SOAT1: variants seen among roughly 807,000 people sequenced by gnomAD.
SOAT1 encodes the protein acyl-coenzyme A:cholesterol acyltransferase 1.
A neutral mutation model predicts 69.5 loss-of-function variants in SOAT1; 55 were observed. The observed-to-expected ratio is 0.79, with a 90% confidence interval of 0.64 to 0.99. SOAT1 has a LOEUF of 0.99. SOAT1 is among the 50% of genes least tolerant of loss of function. SOAT1 has a pLI of 0.00. For missense variants in SOAT1, 580 were observed against 669.3 expected (o/e 0.87, Z 1.47); for synonymous variants, 231 against 224.7 (o/e 1.03, Z -0.25).
intron 4 of SOAT1, 36 bp from the exon 5 acceptor site, chr1:179,337,801 G>A: frequency 6.9e-7 from 1 of 1,458,970 alleles, no homozygotes; most frequent in Non-Finnish European, 9.5e-7. Flanking sequence ...AATACTTGAA[G>A]TACTTATATC....
At chr1:179,313,775 G>T (rs1425809912) in intron 2 of SOAT1, among the ~76,000 whole-genome samples, 2 of 152,164 alleles carry the variant, frequency 1.3e-5, no homozygotes, top group African/African-American at 2.4e-5. Flanking sequence ...GTAGAGACGG[G>T]GTTTCCCCAT....
intron 11 of SOAT1, among the ~76,000 whole-genome samples, chr1:179,346,114 C>T (rs1324058432): frequency 6.6e-6 from 1 of 152,084 alleles, no homozygotes; most frequent in African/African-American, 2.4e-5. Flanking sequence ...TCTTCTCTTG[C>T]ATTCCTCTTC....
At chr1:179,331,284 AG>A (rs1288101322) in intron 3 of SOAT1, among the ~76,000 whole-genome samples, 1 of 152,342 alleles carries the variant, frequency 6.6e-6, no homozygotes, top group East Asian at 1.9e-4. Flanking sequence ...AATGTTTAGC[AG>A]TTCAATTTAA....
intron 2 of SOAT1, among the ~76,000 whole-genome samples, chr1:179,311,943 T>G (rs150290860): frequency 7.2e-4 from 110 of 152,316 alleles, no homozygotes; most frequent in African/African-American, 2.5e-3. Flanking sequence ...GGGTTAGTCT[T>G]GAAAAAGAGA....
chr1:179,340,366 C>T (rs902100503), intron 6 of SOAT1, among the ~76,000 whole-genome samples: 22 of 152,030 alleles, frequency 1.4e-4, no homozygotes, highest in Admixed American at 6.6e-4. Context: ...CTTGTAGTTC[C>T]AGCTACTCAG....
intron 3 of SOAT1, among the ~76,000 whole-genome samples, chr1:179,330,016 G>T (rs1163287466): frequency 1.3e-5 from 2 of 152,158 alleles, no homozygotes; most frequent in Non-Finnish European, 2.9e-5. Context: ...ATTGCCCGTT[G>T]GGTTCTTCTT....
At chr1:179,351,981 G>T (rs2125006547) in intron 15 of SOAT1, among the ~76,000 whole-genome samples, 1 of 151,786 alleles carries the variant, frequency 6.6e-6, no homozygotes, top group East Asian at 1.9e-4. Flanking sequence ...GCCTCCCAGA[G>T]TGCTGGAGCC....
chr1:179,307,970 A>G (rs992337199), intron 2 of SOAT1, among the ~76,000 whole-genome samples: 1 of 151,940 alleles, frequency 6.6e-6, no homozygotes, highest in Non-Finnish European at 1.5e-5. Context: ...TTGTGTTTTT[A>G]GTAGAAACGG....
chr1:179,350,282 T>C lies in SOAT1; in HGVS notation c.1315-14T>C. ...TTTTAAAAATTACTTTGTAGTGTTT[T>C]CCTTTTTCTTTAGTTTTTCTCCAAG... On this transcript the variant is annotated splice_polypyrimidine_tract_variant and intron_variant, in intron 13 of 15. Coordinates refer to ENST00000367619, the MANE Select transcript of SOAT1 (RefSeq NM_003101.6). The C allele has an allele frequency of 6.2e-7, 1 of 1,608,578 alleles. No homozygotes were observed. The highest frequency in any genetic ancestry group is 8.5e-7 in the Non-Finnish European group (1 of 1,178,212).
At chr1:179,302,319 C>CAAG (rs1664857751) in intron 1 of SOAT1, among the ~76,000 whole-genome samples, 1 of 152,180 alleles carries the variant, frequency 6.6e-6, no homozygotes, top group South Asian at 2.1e-4. Context: ...TCTGTGTCCC[C>CAAG]ACACAAATCT....
At chr1:179,352,724 A>G (rs969889809) in intron 15 of SOAT1, among the ~76,000 whole-genome samples, 2 of 152,082 alleles carry the variant, frequency 1.3e-5, no homozygotes, top group African/African-American at 4.8e-5. Flanking sequence ...GGCATCTGTA[A>G]CTGAAGATGT....
At chr1:179,327,822 T>C (rs1665842827) in intron 3 of SOAT1, among the ~76,000 whole-genome samples, 1 of 152,074 alleles carries the variant, frequency 6.6e-6, no homozygotes, top group Non-Finnish European at 1.5e-5. Context: ...GTGAGGGAAG[T>C]GATAACATGA....
chr1:179,344,130 A>AT (rs1553247771), intron 10 of SOAT1, among the ~76,000 whole-genome samples: 1 of 152,166 alleles, frequency 6.6e-6, no homozygotes, highest in African/African-American at 2.4e-5. Context: ...AAAAAAAAAA[A>AT]GAATGTATTA....
At chr1:179,302,477 T>A (rs567578346) in intron 1 of SOAT1, among the ~76,000 whole-genome samples, 200 bp from the exon 2 acceptor site, 1 of 152,338 alleles carries the variant, frequency 6.6e-6, no homozygotes, top group East Asian at 1.9e-4. Context: ...TTCCTTGCTC[T>A]GTCTCTCCTG....
chr1:179,337,807 A>T, intron 4 of SOAT1, 30 bp from the exon 5 acceptor site: 1 of 1,533,984 alleles, frequency 6.5e-7, no homozygotes, highest in Non-Finnish European at 8.9e-7. Context: ...TGAAGTACTT[A>T]TATCTTGTTT....
chr1:179,307,874 C>T (rs1008029428), intron 2 of SOAT1, among the ~76,000 whole-genome samples: 2 of 151,962 alleles, frequency 1.3e-5, no homozygotes, highest in Non-Finnish European at 2.9e-5. Flanking sequence ...TCACCACAAC[C>T]TCCACCTCCC....
At chr1:179,351,880 C>T (rs533177431) in intron 15 of SOAT1, among the ~76,000 whole-genome samples, 32 of 151,566 alleles carry the variant, frequency 2.1e-4, no homozygotes, top group East Asian at 1.8e-3. Flanking sequence ...CCACCATGCC[C>T]GCTAAATTTT....
chr1:179,328,740 CCTT>C (rs1040824638), intron 3 of SOAT1, among the ~76,000 whole-genome samples: 1 of 152,120 alleles, frequency 6.6e-6, no homozygotes, highest in Non-Finnish European at 1.5e-5. Context: ...TTCTATTTCT[CCTT>C]CTTAAAAATA....
In SOAT1 at chr1:179,316,343, T is replaced by TC. The variant is rs1360441851; in HGVS notation, c.119-7094_119-7093insC. 9.9e-5 allele frequency among the ~76,000 whole-genome samples: 15 copies of TC among 151,990 alleles called. No homozygotes were observed. In the South Asian group the frequency reaches 3.1e-3, roughly 32 times the overall value. On this transcript the variant is annotated intron_variant, in intron 2 of 15. Transcript: ENST00000367619. ...TCTTTCTGGGTGCTTTTAGTTTTTTTTTTTAACCCCTGCGTCAGACAGTTT... is the reference window on the plus strand; with the variant it reads ...TCTTTCTGGGTGCTTTTAGTTTTTTTCTTTTAACCCCTGCGTCAGACAGTTT...
Sources: allele counts gnomAD v4.1 joint callset (sites outside exome capture counted in the v4.1 genomes callset), GRCh38; gene constraint gnomAD v4.1.1; transcripts MANE v1.5; gene names NCBI Gene and HGNC (gene_info 2026-07-23, HGNC 2026-07-21).